The following TRABD variants were observed in gnomAD, a reference collection of about 807,000 sequenced individuals.
TRABD encodes the protein traB domain-containing protein.
Under a neutral mutation model 39.6 loss-of-function variants are expected in TRABD, and 23 were observed. That is an observed-to-expected ratio of 0.58 (90% confidence interval 0.42 to 0.82). The LOEUF is 0.82. TRABD is among the 40% of genes least tolerant of loss of function. TRABD has a pLI of 0.00. For missense variants in TRABD, 487 were observed against 544.9 expected (o/e 0.89, Z 1.06); for synonymous variants, 243 against 232.1 (o/e 1.05, Z -0.43).
At chr22:50,197,613 C>G (rs1337957932) in intron 7 of TRABD, 25 bp downstream of exon 7, 4 of 1,609,860 alleles carry the variant, frequency 2.5e-6, no homozygotes, top group Non-Finnish European at 3.4e-6. Flanking sequence ...GGGACCCTGG[C>G]CGGCCTGCAG....
chr22:50,192,441 C>G (rs1183420974), intron 1 of TRABD: 2 of 152,512 alleles, frequency 1.3e-5, no homozygotes, highest in East Asian at 3.9e-4. Context: ...CCAGCCTGTC[C>G]GGGTTTCTAC....
rs755190727 is a variant in TRABD at position 50,198,479 on chromosome 22, A to T, written c.1091A>T (p.Gln364Leu). 1 of 1,592,236 alleles carries T rather than the reference A, an allele frequency of 6.3e-7. No homozygotes were observed. The highest frequency in any genetic ancestry group is 1.7e-5 in the Admixed American group (1 of 58,582). ...CTGGTCCTGTCGCTGCCCGCCGCGC[A>T]GTACTGCCTGCAGAGGGTGACCGAG... ...ASLVLSLPAA[Q>L]YCLQRVTEAR... Residue 364 changes from glutamine to leucine, a missense_variant, in exon 10 of 10, where the codon CAG (glutamine) becomes CTG (leucine). Physicochemically the swap from Gln to Leu is moderately radical, Grantham distance 113. Coordinates refer to ENST00000380909, the MANE Select transcript of TRABD (RefSeq NM_001320485.2). The surrounding 1 kb of genome is among the most constrained non-coding windows in gnomAD (Gnocchi z 7.9).
rs916856904 is a variant in TRABD, at chr22:50,197,904, G to A, written c.753G>A (p.Leu251=). The A allele has an allele frequency of 2.5e-6, 4 of 1,612,930 alleles. No individual in the cohort carries two copies. The highest frequency in any genetic ancestry group is 4.5e-5 in the East Asian group (2 of 44,828). The part of the protein sequence containing the change: ...MAEMIGEFPD[L]HRTIVSERDV... ...AGATGATTGGCGAGTTCCCAGACCT[G>A]CACCGCACCATCGTCTCGGAGCGCG... is the stretch of plus-strand genomic sequence containing the variant. The change falls in exon 8 of 10, where the codon CTG becomes CTA. Residue 251 remains leucine (L), a synonymous_variant. Transcript: ENST00000380909.
chr22:50,197,632 G>A, intron 7 of TRABD, 44 bp downstream of exon 7: 1 of 1,606,126 alleles, frequency 6.2e-7, no homozygotes, highest in Non-Finnish European at 8.5e-7. Flanking sequence ...AGGGTGGTCT[G>A]TGGGAGGCTC....
Position 50,193,192 on chromosome 22 carries a change from G to A in TRABD, c.33+99G>A, listed in dbSNP as rs2063971586. 7 of 1,384,166 alleles carry A rather than the reference G, an allele frequency of 5.1e-6. No individual in the cohort carries two copies. In the East Asian group the frequency reaches 7.5e-5, roughly 15 times the overall value. 85.7% of individuals were successfully genotyped at this position (1,384,166 alleles called of 1,614,324 possible). A position where few individuals can be genotyped will look rare whatever the true frequency, so the allele number is the denominator to read the frequency against. On this transcript the variant is annotated intron_variant, in intron 2 of 9. Coordinates refer to ENST00000380909, the MANE Select transcript of TRABD (RefSeq NM_001320485.2). ...GGTCCCTGGCTGTTGTTCTGCAAAG[G>A]TGATCTTCACAGGGTTCTCCAGGGT...
rs775391140 is a variant in TRABD at position 50,198,338 on chromosome 22, C to T, written c.957-7C>T. ...CAGCCAGGCCCAGCGCCCCCTCCCT[C>T]CCACAGCGTGCCCCCGCCGTCCGTC... On this transcript the variant is annotated splice_polypyrimidine_tract_variant and splice_region_variant and intron_variant, in intron 9 of 9. Transcript: ENST00000380909. This position sits in a 1 kb window ranked among gnomAD's most constrained non-coding sequence, Gnocchi z 7.9. 45 of 1,561,790 alleles carry T rather than the reference C, an allele frequency of 2.9e-5. No individual in the cohort carries two copies. In the Admixed American group the frequency reaches 4.7e-4, roughly 16 times the overall value.
chr22:50,197,368 G>C lies in TRABD; in HGVS notation c.531+17G>C. The stretch of plus-strand genomic sequence containing the variant: ...TTCAAGGAGGTGGGCACAGGGTGAG[G>C]TAGGGGGTGGCCACAGGGATGTGGC... On this transcript the variant is annotated intron_variant, in intron 6 of 9. Transcript: ENST00000380909. 1.2e-6 allele frequency: 2 copies of C among 1,613,510 alleles called. No individual in the cohort carries two copies. Among genetic ancestry groups the C allele is most frequent in the Non-Finnish European group, 1.7e-6 (2 of 1,179,806 alleles).
intron 5 of TRABD, 86 bp downstream of exon 5, chr22:50,195,126 T>C: frequency 6.8e-7 from 1 of 1,462,550 alleles, no homozygotes; most frequent in South Asian, 1.4e-5. Context: ...TCACAGCCCA[T>C]GCCCCCAGTC....
At chr22:50,194,681 C>T (rs540239312) in intron 4 of TRABD, among the ~76,000 whole-genome samples, 175 bp downstream of exon 4, 17 of 152,384 alleles carry the variant, frequency 1.1e-4, no homozygotes, top group African/African-American at 3.6e-4. Context: ...GGAGCCGTGA[C>T]GGCCTTGTGC....
chr22:50,194,337 C>T lies in TRABD; in HGVS notation c.113-3C>T, dbSNP rs1365837581. The T allele has an allele frequency of 6.2e-7, 1 of 1,610,596 alleles. No individual in the cohort carries two copies. The highest frequency in any genetic ancestry group is 8.5e-7 in the Non-Finnish European group (1 of 1,178,402). ...ACCACAACGGCCTGTGCTGCTGTTGCAGCCGACGTGGACGCCTTCAACCTG... is the reference window on the plus strand; with the variant it reads ...ACCACAACGGCCTGTGCTGCTGTTGTAGCCGACGTGGACGCCTTCAACCTG... On this transcript the variant is annotated splice_region_variant and splice_polypyrimidine_tract_variant and intron_variant, in intron 3 of 9. Coordinates refer to ENST00000380909, the MANE Select transcript of TRABD (RefSeq NM_001320485.2).
chr22:50,192,505 G>C (rs1239421174), intron 1 of TRABD: 2 of 154,450 alleles, frequency 1.3e-5, no homozygotes, highest in Non-Finnish European at 2.9e-5. Context: ...AAGGTCTTAG[G>C]TCCAAACACG....
intron 7 of TRABD, 58 bp from the exon 8 acceptor site, chr22:50,197,765 C>CCCCCCCCCCCCCCCCCGG: frequency 1.3e-6 from 1 of 754,054 alleles, no homozygotes; most frequent in Non-Finnish European, 2.2e-6. Context: ...ACAGTGCCAG[C>CCCCCCCCCCCCCCCCCGG]CCCACCCCCC....
Position 50,193,035 on chromosome 22 carries a change from C to A in TRABD, c.-26C>A. 1.3e-6 allele frequency: 2 copies of A among 1,544,352 alleles called. No individual in the cohort carries two copies. Reference sequence around the variant, plus strand: ...CTCATGCCTCTCCTCAGGCTCCCCACAGGTGCAGGAAGCCGCCGCCCAGCC... The same window carrying A: ...CTCATGCCTCTCCTCAGGCTCCCCAAAGGTGCAGGAAGCCGCCGCCCAGCC... On this transcript the variant is annotated 5_prime_UTR_variant, in exon 2 of 10. Transcript: ENST00000380909.
At position 50,194,502 on chromosome 22, in the gene TRABD, T is replaced by C; in HGVS notation, c.275T>C (p.Val92Ala). 6 of 1,564,658 alleles carry C rather than the reference T, an allele frequency of 3.8e-6. No homozygotes were observed. The highest frequency in any genetic ancestry group is 4.3e-6 in the Non-Finnish European group (5 of 1,155,058). Residue 92 changes from valine (V) to alanine (A), a missense_variant, in exon 4 of 10, where the codon GTG (valine) becomes GCG (alanine). Physicochemically the swap from Val to Ala is moderately conservative, Grantham distance 64. Coordinates refer to ENST00000380909, the MANE Select transcript of TRABD (RefSeq NM_001320485.2). ...HFSDDSKRDV[V>A]KTIREVQPDV... ...AGCGACGACAGCAAGAGGGACGTTG[T>C]GAAGGTGAGCGCCGCCACCCGCCAC...
chr22:50,199,049 C>T lies in TRABD; in HGVS notation c.*530C>T. 1.4e-6 allele frequency: 1 copy of T among 708,142 alleles called. No homozygotes were observed. Among genetic ancestry groups the T allele is most frequent in the Non-Finnish European group, 2.6e-6 (1 of 379,488 alleles). 43.9% of individuals were successfully genotyped at this position (708,142 alleles called of 1,614,324 possible). A position where few individuals can be genotyped will look rare whatever the true frequency, so the allele number is the denominator to read the frequency against. ...CCACCTCCCTGGCACCGTCTGCCTGCAGGGATTCTGTGTTTTTGGCTTTTT... is the reference window on the plus strand; with the variant it reads ...CCACCTCCCTGGCACCGTCTGCCTGTAGGGATTCTGTGTTTTTGGCTTTTT... On this transcript the variant is annotated 3_prime_UTR_variant, in exon 10 of 10. Coordinates refer to ENST00000380909, the MANE Select transcript of TRABD (RefSeq NM_001320485.2).
chr22:50,191,505 G>A (rs1441759866), intron 1 of TRABD, among the ~76,000 whole-genome samples: 1 of 152,170 alleles, frequency 6.6e-6, no homozygotes, highest in African/African-American at 2.4e-5. Context: ...GCGTCTTATT[G>A]CTCATTGTTC....
chr22:50,189,423 G>A (rs1026814635), intron 1 of TRABD, among the ~76,000 whole-genome samples: 23 of 152,376 alleles, frequency 1.5e-4, no homozygotes, highest in African/African-American at 5.0e-4. Flanking sequence ...CTCGGTGGAC[G>A]TCCGTGCGGG....
intron 1 of TRABD, among the ~76,000 whole-genome samples, chr22:50,187,506 G>C (rs8141426): frequency 0.029 from 4,469 of 152,316 alleles, 234 homozygotes; most frequent in African/African-American, 0.1. Context: ...CCGGTCTAGT[G>C]GGTTGGTTGA....
In TRABD at chr22:50,193,655, G is replaced by T. The variant is rs1052841540; in HGVS notation, c.112+1G>T. On this transcript the variant is annotated splice_donor_variant, in intron 3 of 9. Transcript: ENST00000380909. LOFTEE classifies it high-confidence loss of function. ...CTTTCTGGAGACCCCCAGAACCTGT[G>T]TACGTGTCCCTCAGGGTCCTGGCAC... 6.2e-7 allele frequency: 1 copy of T among 1,613,658 alleles called. No individual in the cohort carries two copies. Among genetic ancestry groups the T allele is most frequent in the Non-Finnish European group, 8.5e-7 (1 of 1,179,832 alleles).
Sources: allele counts gnomAD v4.1 joint callset (sites outside exome capture counted in the v4.1 genomes callset), GRCh38; gene constraint gnomAD v4.1.1; non-coding constraint Gnocchi (gnomAD v3.1); transcripts MANE v1.5; gene names NCBI Gene and HGNC (gene_info 2026-07-23, HGNC 2026-07-21).